SPAG16: variants seen among roughly 807,000 people sequenced by gnomAD.
SPAG16 encodes sperm associated antigen 16, also known as sperm-associated antigen 16 protein.
SPAG16 carries 86 observed loss-of-function variants against 80.4 expected under a neutral mutation model. The observed-to-expected ratio is 1.07, with a 90% CI of 0.90 to 1.28. The LOEUF is 1.28. SPAG16 is among the 50% of genes most tolerant of loss of function. The pLI is 0.00. For synonymous variants in SPAG16, 294 were observed against 265.9 expected (o/e 1.11, Z -1.03); for missense variants, 870 against 765.3 (o/e 1.14, Z -1.61).
In SPAG16 at chr2:213,545,883, A is replaced by C. The variant is rs534703385; in HGVS notation, c.1070+55793A>C. 2.6e-5 allele frequency among the ~76,000 whole-genome samples: 4 copies of C among 152,242 alleles called. No individual in the cohort carries two copies. The East Asian group carries it at 7.7e-4, about 29-fold the overall frequency. ...CATAGGTCTTTTCTCTCTGTAGAGA[A>C]TCACCTTCCATATACGAACTTCCAG... On this transcript the variant is annotated intron_variant, in intron 10 of 15. Transcript: ENST00000331683.
intron 10 of SPAG16, among the ~76,000 whole-genome samples, chr2:213,757,061 A>G (rs919725885): frequency 6.6e-6 from 1 of 152,208 alleles, no homozygotes; most frequent in Non-Finnish European, 1.5e-5. Flanking sequence ...TCAATATGCA[A>G]ATATCAGTTG....
intron 9 of SPAG16, among the ~76,000 whole-genome samples, chr2:213,436,637 T>C (rs2070656466): frequency 6.6e-6 from 1 of 152,170 alleles, no homozygotes; most frequent in Admixed American, 6.5e-5. Flanking sequence ...CTTATAATTG[T>C]ATATATTTAA....
intron 13 of SPAG16, among the ~76,000 whole-genome samples, chr2:214,071,034 G>GA (rs2050766435): frequency 6.6e-6 from 1 of 152,058 alleles, no homozygotes. Context: ...TAAAAATCGA[G>GA]AAAATCTAAA....
At chr2:214,336,569 G>A (rs1268458416) in intron 15 of SPAG16, among the ~76,000 whole-genome samples, 2 of 152,166 alleles carry the variant, frequency 1.3e-5, no homozygotes, top group South Asian at 2.1e-4. Flanking sequence ...AAATATAATA[G>A]CCAGTATTAC....
intron 10 of SPAG16, among the ~76,000 whole-genome samples, chr2:213,510,760 G>A (rs2075194051): frequency 6.6e-6 from 1 of 152,066 alleles, no homozygotes; most frequent in African/African-American, 2.4e-5. Context: ...AACTGTGAGT[G>A]GATTAAGTGA....
At chr2:214,208,034 C>G (rs73081045) in intron 15 of SPAG16, among the ~76,000 whole-genome samples, 8,588 of 152,234 alleles carry the variant, frequency 0.056, 828 homozygotes, top group African/African-American at 0.2. Flanking sequence ...GGCTTCCTAC[C>G]TCCTCAGTTT....
intron 10 of SPAG16, among the ~76,000 whole-genome samples, chr2:213,745,093 T>A (rs1293982056): frequency 6.6e-6 from 1 of 152,214 alleles, no homozygotes; most frequent in Admixed American, 6.5e-5. Flanking sequence ...CTTCTATTTG[T>A]GAATTAGCTT....
intron 13 of SPAG16, among the ~76,000 whole-genome samples, chr2:214,097,521 A>T (rs1396993155): frequency 6.6e-6 from 1 of 151,902 alleles, no homozygotes; most frequent in East Asian, 1.9e-4. Context: ...TTAGGGCTCC[A>T]TTTCTTAGAT....
chr2:213,460,106 T>A (rs1042264750), intron 9 of SPAG16, among the ~76,000 whole-genome samples: 11 of 152,364 alleles, frequency 7.2e-5, no homozygotes, highest in East Asian at 3.9e-4. Context: ...CTTCTGCCAC[T>A]CACCTTTGCA....
At chr2:213,971,612 C>T (rs2106381344) in intron 12 of SPAG16, among the ~76,000 whole-genome samples, 1 of 152,170 alleles carries the variant, frequency 6.6e-6, no homozygotes, top group South Asian at 2.1e-4. Context: ...TTTTTTATCA[C>T]CCCAAACAGA....
At chr2:213,618,293 C>T (rs1445143135) in intron 10 of SPAG16, among the ~76,000 whole-genome samples, 2 of 152,184 alleles carry the variant, frequency 1.3e-5, no homozygotes, top group Admixed American at 1.3e-4. Flanking sequence ...TATGAACTTC[C>T]TCACAATGCC....
intron 11 of SPAG16, among the ~76,000 whole-genome samples, chr2:213,928,940 CACAA>C (rs1575577702): frequency 8.3e-6 from 1 of 119,802 alleles, no homozygotes; most frequent in African/African-American, 2.8e-5. Flanking sequence ...CACACACACA[CACAA>C]AACCAACTAG....
At chr2:214,153,432 A>T (rs1010476902) in intron 15 of SPAG16, among the ~76,000 whole-genome samples, 10 of 152,100 alleles carry the variant, frequency 6.6e-5, no homozygotes, top group African/African-American at 2.4e-4. Flanking sequence ...CATATCTAAG[A>T]TCTATATCTG....
rs115127701 is a variant in SPAG16 at position 214,130,445 on chromosome 2, T to G, written c.1594-18695T>G. The stretch of plus-strand genomic sequence containing the variant: ...TTTTGTCTGTTGGCCAGAGGCATGC[T>G]TTAACACTAGCAAACACCACAGCAA... On this transcript the variant is annotated intron_variant, in intron 14 of 15. Transcript: ENST00000331683. Among the ~76,000 whole-genome samples, 1,269 of 152,308 alleles carry G rather than the reference T, an allele frequency of 8.3e-3. 21 individuals carry two copies. The highest frequency in any genetic ancestry group is 0.029 in the African/African-American group (1,208 of 41,564).
At chr2:213,469,256 C>T (rs2072930906) in intron 9 of SPAG16, among the ~76,000 whole-genome samples, 1 of 152,122 alleles carries the variant, frequency 6.6e-6, no homozygotes, top group East Asian at 1.9e-4. Flanking sequence ...ATAAAACTAT[C>T]CTTTGTACAT....
At chr2:213,338,187 G>C (rs1036554805) in intron 5 of SPAG16, among the ~76,000 whole-genome samples, 21 of 152,110 alleles carry the variant, frequency 1.4e-4, no homozygotes, top group African/African-American at 5.1e-4. Flanking sequence ...ATCACCACCA[G>C]GCCTGCCTTG....
intron 12 of SPAG16, among the ~76,000 whole-genome samples, chr2:214,009,806 C>G (rs1352005209): frequency 2.6e-5 from 4 of 152,174 alleles, no homozygotes. Flanking sequence ...GTGCCTTTCT[C>G]TCCTTCTGCC....
At chr2:214,367,186 G>C (rs974790571) in intron 15 of SPAG16, among the ~76,000 whole-genome samples, 2 of 152,130 alleles carry the variant, frequency 1.3e-5, no homozygotes, top group African/African-American at 4.8e-5. Context: ...AAAAGGTTAA[G>C]AGTGATGAAA....
At chr2:213,540,127 CG>C (rs2076389514) in intron 10 of SPAG16, among the ~76,000 whole-genome samples, 1 of 151,250 alleles carries the variant, frequency 6.6e-6, no homozygotes, top group Non-Finnish European at 1.5e-5. Flanking sequence ...CTCTGCCTCC[CG>C]GGTTCACGCC....
Sources: allele counts gnomAD v4.1 joint callset (sites outside exome capture counted in the v4.1 genomes callset), GRCh38; gene constraint gnomAD v4.1.1; transcripts MANE v1.5; gene names NCBI Gene and HGNC (gene_info 2026-07-23, HGNC 2026-07-21).